BANK1: variants seen among roughly 807,000 people sequenced by gnomAD.
The protein encoded by BANK1 is B cell scaffold protein with ankyrin repeats 1.
A neutral mutation model predicts 94.5 loss-of-function variants in BANK1; 95 were observed. The observed-to-expected ratio is 1.00, with a 90% CI of 0.85 to 1.19. The LOEUF is 1.19. Ranked by LOEUF, BANK1 falls within the 50% of genes most tolerant of loss-of-function variation. The pLI, the probability that BANK1 is intolerant of heterozygous loss-of-function variation, is 0.00. For synonymous variants in BANK1, 334 were observed against 308.4 expected (o/e 1.08, Z -0.87); for missense variants, 987 against 932.2 (o/e 1.06, Z -0.77).
chr4:101,989,695 G>A (rs931835360), intron 7 of BANK1, among the ~76,000 whole-genome samples: 1 of 151,144 alleles, frequency 6.6e-6, no homozygotes, highest in Non-Finnish European at 1.5e-5. Flanking sequence ...TAGTTACTCT[G>A]TATAGACAGC....
rs906236119 is a variant in BANK1 at position 101,856,982 on chromosome 4, G to A, written c.624+1793G>A. ...CAGAACCTAGATTTTAGTATAGTCTGAATCCATAAGACTATTGCCAACCAC... is the reference window on the plus strand; with the variant it reads ...CAGAACCTAGATTTTAGTATAGTCTAAATCCATAAGACTATTGCCAACCAC... On this transcript the variant is annotated intron_variant, in intron 3 of 16. Transcript: ENST00000322953. 4.6e-5 allele frequency among the ~76,000 whole-genome samples: 7 copies of A among 152,104 alleles called. 1 individual carries two copies. In the South Asian group the frequency reaches 6.2e-4, roughly 13 times the overall value.
At chr4:101,884,908 TTTG>T (rs1380966444) in intron 5 of BANK1, among the ~76,000 whole-genome samples, 1 of 152,062 alleles carries the variant, frequency 6.6e-6, no homozygotes, top group African/African-American at 2.4e-5. Flanking sequence ...GTTTGTTTGT[TTTG>T]TTTTGTTTTT....
At position 101,870,574 on chromosome 4, in the gene BANK1, A is replaced by G. The variant is rs1351109399; in HGVS notation, c.833A>G (p.Lys278Arg). ...DGIVKATTKI[K>R]YYPTAKAKEC... ...ATCGTTAAAGCTACAACCAAAATTA[A>G]GTACTACCCAACAGCAAAGGCAAAG... Residue 278 changes from lysine to arginine, a missense_variant, in exon 5 of 17, where the codon AAG becomes AGG. Physicochemically the swap from Lys to Arg is conservative, Grantham distance 26. Coordinates refer to ENST00000322953, the MANE Select transcript of BANK1 (RefSeq NM_017935.5). 2 of 1,613,022 alleles carry G rather than the reference A, an allele frequency of 1.2e-6. No individual in the cohort carries two copies. The highest frequency in any genetic ancestry group is 2.2e-5 in the South Asian group (2 of 91,040).
At chr4:102,028,757 A>C (rs1727186248) in intron 9 of BANK1, among the ~76,000 whole-genome samples, 1 of 152,168 alleles carries the variant, frequency 6.6e-6, no homozygotes, top group Admixed American at 6.5e-5. Context: ...AAAATATGTC[A>C]AGATATTACT....
chr4:101,869,372 T>G (rs1445197029), intron 4 of BANK1, among the ~76,000 whole-genome samples: 3 of 151,928 alleles, frequency 2.0e-5, no homozygotes, highest in Non-Finnish European at 4.4e-5. Context: ...CATTTTTGTT[T>G]GTTGTAATTT....
chr4:101,881,390 C>T (rs1330153282), intron 5 of BANK1, among the ~76,000 whole-genome samples: 1 of 152,092 alleles, frequency 6.6e-6, no homozygotes, highest in Admixed American at 6.6e-5. Context: ...TATCATCTCA[C>T]CCCAGTTAAA....
At chr4:101,866,568 A>C (rs987095168) in intron 4 of BANK1, among the ~76,000 whole-genome samples, 20 of 152,162 alleles carry the variant, frequency 1.3e-4, no homozygotes, top group African/African-American at 4.8e-4. Context: ...ACTGAAAACA[A>C]AAGAGAAAAT....
chr4:101,933,841 C>A (rs12509274), intron 7 of BANK1, among the ~76,000 whole-genome samples: 2 of 151,238 alleles, frequency 1.3e-5, no homozygotes, highest in Admixed American at 6.6e-5. Context: ...CTGATAGTGC[C>A]CTAACTGTGT....
intron 14 of BANK1, 145 bp downstream of exon 14, chr4:102,071,449 G>C (rs1728758338): frequency 1.3e-6 from 1 of 782,144 alleles, no homozygotes; most frequent in African/African-American, 1.7e-5. Flanking sequence ...AAAACAACTT[G>C]ACATCCAAAA....
At chr4:102,045,056 T>G (rs1727833231) in intron 11 of BANK1, among the ~76,000 whole-genome samples, 1 of 151,954 alleles carries the variant, frequency 6.6e-6, no homozygotes, top group African/African-American at 2.4e-5. Context: ...ATTTGTCAAT[T>G]TTGGCTTTTG....
intron 1 of BANK1, among the ~76,000 whole-genome samples, chr4:101,797,130 T>C (rs1725183084): frequency 1.3e-5 from 2 of 152,212 alleles, no homozygotes. Context: ...TAGTGTGTTA[T>C]TAATGTTCAC....
At chr4:102,043,996 A>T (rs1199177639) in intron 11 of BANK1, 89 bp downstream of exon 11, 1 of 695,486 alleles carries the variant, frequency 1.4e-6, no homozygotes, top group Non-Finnish European at 2.5e-6. Flanking sequence ...CCTAGGACAG[A>T]AGTATGTAAT....
intron 1 of BANK1, among the ~76,000 whole-genome samples, chr4:101,829,071 C>T (rs1034934072): frequency 3.3e-5 from 5 of 151,928 alleles, no homozygotes; most frequent in Non-Finnish European, 7.4e-5. Context: ...ACTGTGTTAG[C>T]TAGAATGGTC....
At chr4:102,031,052 A>G (rs1727290006) in intron 10 of BANK1, among the ~76,000 whole-genome samples, 1 of 152,214 alleles carries the variant, frequency 6.6e-6, no homozygotes, top group Non-Finnish European at 1.5e-5. Flanking sequence ...TTACACTCCC[A>G]CCAACAGTGT....
At chr4:101,800,282 T>A (rs1342953985) in intron 1 of BANK1, among the ~76,000 whole-genome samples, 3 of 146,538 alleles carry the variant, frequency 2.0e-5, no homozygotes, top group East Asian at 2.0e-4. Flanking sequence ...AAGTATAATT[T>A]AAAAAAAAAA....
At chr4:101,852,229 G>T (rs1450124556) in intron 2 of BANK1, among the ~76,000 whole-genome samples, 1 of 151,504 alleles carries the variant, frequency 6.6e-6, no homozygotes, top group Admixed American at 6.6e-5. Flanking sequence ...TTTATATGTT[G>T]TAGAGTAGGA....
intron 11 of BANK1, among the ~76,000 whole-genome samples, chr4:102,052,693 A>T (rs965074387): frequency 2.0e-5 from 3 of 152,128 alleles, no homozygotes; most frequent in Non-Finnish European, 4.4e-5. Flanking sequence ...AAATATTTTA[A>T]CTTTTTCAGA....
intron 5 of BANK1, among the ~76,000 whole-genome samples, chr4:101,874,945 G>A (rs1728432759): frequency 6.6e-6 from 1 of 152,162 alleles, no homozygotes; most frequent in South Asian, 2.1e-4. Context: ...AAAACTTATA[G>A]AACAGGAATT....
At chr4:101,976,513 A>C (rs892814820) in intron 7 of BANK1, among the ~76,000 whole-genome samples, 8 of 152,178 alleles carry the variant, frequency 5.3e-5, no homozygotes, top group African/African-American at 1.9e-4. Flanking sequence ...TTCTAGCCAG[A>C]GTAAAGTATT....
Sources: allele counts gnomAD v4.1 joint callset (sites outside exome capture counted in the v4.1 genomes callset), GRCh38; gene constraint gnomAD v4.1.1; transcripts MANE v1.5; gene names NCBI Gene and HGNC (gene_info 2026-07-23, HGNC 2026-07-21).